Variants in KIAA1328 observed in about 807,000 individuals in gnomAD.
KIAA1328 encodes the protein KIAA1328.
In KIAA1328, 52 loss-of-function variants were observed where a neutral mutation model predicts 68.1. The observed-to-expected ratio is 0.76, with a 90% CI of 0.61 to 0.96. KIAA1328 has a LOEUF of 0.96. Ranked by LOEUF, KIAA1328 falls within the 40% of genes least tolerant of loss-of-function variation. The pLI is 0.00. For synonymous variants in KIAA1328, 232 were observed against 239.4 expected (o/e 0.97, Z 0.28); for missense variants, 641 against 677.6 (o/e 0.95, Z 0.60).
intron 8 of KIAA1328, among the ~76,000 whole-genome samples, chr18:37,164,998 C>T (rs2059357298): frequency 6.6e-6 from 1 of 152,122 alleles, no homozygotes; most frequent in Non-Finnish European, 1.5e-5. Context: ...TGAAGCCTTT[C>T]CTCTTGGGTT....
intron 7 of KIAA1328, among the ~76,000 whole-genome samples, chr18:37,115,332 CAT>C: frequency 6.6e-6 from 1 of 152,326 alleles, no homozygotes; most frequent in Admixed American, 6.5e-5. Flanking sequence ...AAGTTGGCTT[CAT>C]CCCTGGGATG....
intron 5 of KIAA1328, among the ~76,000 whole-genome samples, chr18:36,904,488 C>T (rs374808222): frequency 6.6e-6 from 1 of 152,012 alleles, no homozygotes; most frequent in Non-Finnish European, 1.5e-5. Context: ...CTTGTTTATT[C>T]CTGGTAATAT....
At chr18:36,940,995 G>A (rs925492890) in intron 5 of KIAA1328, among the ~76,000 whole-genome samples, 16 of 151,978 alleles carry the variant, frequency 1.1e-4, no homozygotes, top group African/African-American at 3.9e-4. Context: ...TTTCTTATGC[G>A]ACTTTTGACC....
chr18:37,196,512 T>C (rs2060006014), intron 9 of KIAA1328, among the ~76,000 whole-genome samples: 1 of 152,176 alleles, frequency 6.6e-6, no homozygotes, highest in Admixed American at 6.5e-5. Flanking sequence ...TTGAATTTTA[T>C]TGAATGCCTT....
chr18:37,099,125 T>C (rs1045854923), intron 7 of KIAA1328, among the ~76,000 whole-genome samples: 102 of 152,314 alleles, frequency 6.7e-4, no homozygotes, highest in African/African-American at 2.4e-3. Flanking sequence ...AGCTTTTGAA[T>C]GTGTTTGCTC....
At chr18:37,034,402 G>T (rs2151595452) in intron 6 of KIAA1328, among the ~76,000 whole-genome samples, 1 of 152,170 alleles carries the variant, frequency 6.6e-6, no homozygotes, top group South Asian at 2.1e-4. Context: ...TATTTATTTT[G>T]AGAGCCTAAA....
chr18:36,998,718 A>C (rs1368215559), intron 6 of KIAA1328, among the ~76,000 whole-genome samples: 1 of 152,176 alleles, frequency 6.6e-6, no homozygotes, highest in Non-Finnish European at 1.5e-5. Flanking sequence ...TACTACATGC[A>C]CCCAGAATTA....
At chr18:36,893,462 T>TG (rs761526807) in intron 5 of KIAA1328, among the ~76,000 whole-genome samples, 16,715 of 130,138 alleles carry the variant, frequency 0.13, 1,064 homozygotes, top group Non-Finnish European at 0.17. Flanking sequence ...TGTGTGTGTG[T>TG]TTTTGTGTGT....
At chr18:37,133,466 C>T (rs1312483896) in intron 7 of KIAA1328, among the ~76,000 whole-genome samples, 3 of 151,486 alleles carry the variant, frequency 2.0e-5, no homozygotes, top group Non-Finnish European at 4.4e-5. Flanking sequence ...AGAATCTATA[C>T]ATGTGTTAAA....
At chr18:37,180,584 A>G (rs1449696785) in intron 9 of KIAA1328, among the ~76,000 whole-genome samples, 1 of 152,082 alleles carries the variant, frequency 6.6e-6, no homozygotes, top group Non-Finnish European at 1.5e-5. Context: ...CATAGCAGTC[A>G]GATTGCAATA....
chr18:36,927,849 G>A (rs2050175776), intron 5 of KIAA1328, among the ~76,000 whole-genome samples: 1 of 149,730 alleles, frequency 6.7e-6, no homozygotes, highest in Non-Finnish European at 1.5e-5. Flanking sequence ...AGGAAGGGAG[G>A]GAGGAAACAA....
intron 6 of KIAA1328, among the ~76,000 whole-genome samples, chr18:37,050,529 T>A (rs1256320007): frequency 6.6e-6 from 1 of 152,220 alleles, no homozygotes; most frequent in Non-Finnish European, 1.5e-5. Flanking sequence ...GCTTTTTTTC[T>A]TTTGGCAACT....
intron 7 of KIAA1328, among the ~76,000 whole-genome samples, chr18:37,068,976 A>G (rs1019511938): frequency 6.6e-6 from 1 of 152,044 alleles, no homozygotes. Flanking sequence ...AGAAATTTTT[A>G]ATTTTAATGA....
rs558894830 is a variant in KIAA1328 at position 37,149,740 on chromosome 18, C to A, written c.1233-10460C>A. Among the ~76,000 whole-genome samples the A allele has an allele frequency of 3.3e-5, 5 of 152,264 alleles. No individual in the cohort carries two copies. In the South Asian group the frequency reaches 8.3e-4, roughly 25 times the overall value. ...CATGATAGAGTCTGTGACTGTATTTCTATTCTGCTTTCAACCTTGTAGCAG... is the reference window on the plus strand; with the variant it reads ...CATGATAGAGTCTGTGACTGTATTTATATTCTGCTTTCAACCTTGTAGCAG... On this transcript the variant is annotated intron_variant, in intron 7 of 9. Transcript: ENST00000280020.
At chr18:37,062,458 G>T (rs921768853) in intron 6 of KIAA1328, among the ~76,000 whole-genome samples, 21 of 142,628 alleles carry the variant, frequency 1.5e-4, no homozygotes, top group Middle Eastern at 3.6e-3. Flanking sequence ...TTTTGTTTTT[G>T]TTTTTTTTTT....
intron 6 of KIAA1328, among the ~76,000 whole-genome samples, chr18:37,053,963 G>GAAA (rs200354807): frequency 8.1e-6 from 1 of 123,712 alleles, no homozygotes; most frequent in Admixed American, 8.0e-5. Context: ...AGATCAACAA[G>GAAA]AAAAAAAAAA....
intron 4 of KIAA1328, among the ~76,000 whole-genome samples, chr18:36,859,907 T>G (rs905857089): frequency 3.3e-5 from 5 of 149,756 alleles, no homozygotes; most frequent in Non-Finnish European, 3.0e-5. Context: ...GATATGTAAC[T>G]CATTGATTTT....
chr18:36,896,457 G>A (rs1417665667), intron 5 of KIAA1328, among the ~76,000 whole-genome samples: 1 of 152,126 alleles, frequency 6.6e-6, no homozygotes, highest in Non-Finnish European at 1.5e-5. Flanking sequence ...CAACTTCTAT[G>A]TTGCTTTATA....
intron 6 of KIAA1328, among the ~76,000 whole-genome samples, chr18:36,988,845 C>A (rs1032798199): frequency 1.3e-5 from 2 of 152,004 alleles, no homozygotes; most frequent in African/African-American, 4.8e-5. Context: ...TTACCTTGGG[C>A]AGATTAGTTA....
Sources: allele counts gnomAD v4.1 joint callset (sites outside exome capture counted in the v4.1 genomes callset), GRCh38; gene constraint gnomAD v4.1.1; transcripts MANE v1.5; gene names NCBI Gene and HGNC (gene_info 2026-07-23, HGNC 2026-07-21).